Variants in C2CD3 observed in about 807,000 individuals in gnomAD.
C2CD3 encodes the protein C2 domain containing 3 centriole elongation regulator.
A neutral mutation model predicts 234.0 loss-of-function variants in C2CD3; 148 were observed. That is an observed-to-expected ratio of 0.63 (90% confidence interval 0.55 to 0.72). C2CD3 has a LOEUF of 0.72. C2CD3 is among the 30% of genes least tolerant of loss of function. The pLI, the probability that C2CD3 is intolerant of heterozygous loss-of-function variation, is 0.00. For synonymous variants in C2CD3, 1,000 were observed against 1,035.4 expected (o/e 0.97, Z 0.66); for missense variants, 2,577 against 2,811.5 (o/e 0.92, Z 1.89).
At chr11:74,082,753 CAAG>C (rs1277695061) in intron 22 of C2CD3, among the ~76,000 whole-genome samples, 1 of 152,056 alleles carries the variant, frequency 6.6e-6, no homozygotes, top group African/African-American at 2.4e-5. Flanking sequence ...AGGACCTCTT[CAAG>C]AAGAACTACA....
chr11:74,130,786 T>C (rs955845138), intron 7 of C2CD3, among the ~76,000 whole-genome samples: 1 of 152,152 alleles, frequency 6.6e-6, no homozygotes, highest in African/African-American at 2.4e-5. Context: ...TGAGTCCTAC[T>C]TTCTTTTTTT....
chr11:74,113,799 G>A lies in C2CD3; in HGVS notation c.1824C>T (p.Ser608=). 1 of 1,608,004 alleles carries A rather than the reference G, an allele frequency of 6.2e-7. No individual in the cohort carries two copies. Among genetic ancestry groups the A allele is most frequent in the Non-Finnish European group, 8.5e-7 (1 of 1,174,800 alleles). The change falls in exon 11 of 33, where the codon TCC becomes TCT. Residue 608 remains serine, a synonymous_variant. Transcript: ENST00000334126. ...ALITEVVRLA[S]SKITDGKVKF... ...TCTTACTTCCATCTGTAATTTTACT[G>A]GAGGCGAGTCGAACAACCTCAGTGA...
At chr11:74,040,572 T>C (rs552837514) in intron 29 of C2CD3, among the ~76,000 whole-genome samples, 11 of 152,050 alleles carry the variant, frequency 7.2e-5, no homozygotes, top group East Asian at 3.9e-4. Context: ...CTGGCCAACA[T>C]AGTGAAACCC....
intron 24 of C2CD3, among the ~76,000 whole-genome samples, chr11:74,063,409 A>ATGGATTCGGTTATC (rs201071364): frequency 0.012 from 1,794 of 152,350 alleles, 14 homozygotes; most frequent in Middle Eastern, 0.051. Context: ...ATCCAGCAGC[A>ATGGATTCGGTTATC]CATCAAAAAG....
chr11:74,142,399 C>T (rs1277461136), intron 3 of C2CD3: 2 of 152,150 alleles, frequency 1.3e-5, no homozygotes, highest in Non-Finnish European at 2.9e-5. Flanking sequence ...GGCTAAATTA[C>T]GTAGAAGTTT....
intron 8 of C2CD3, among the ~76,000 whole-genome samples, chr11:74,121,816 G>GT (rs1445092132): frequency 6.6e-6 from 1 of 152,088 alleles, no homozygotes; most frequent in East Asian, 1.9e-4. Flanking sequence ...AGGGAACACA[G>GT]TATCAGTGAT....
In C2CD3 at chr11:74,105,886, T is replaced by C. The variant is rs185749206; in HGVS notation, c.2085+485A>G. On this transcript the variant is annotated intron_variant, in intron 13 of 32. Transcript: ENST00000334126. ...ATGATGTCAGTCCCATGCTTCAACATTCTTTCCTTGGATCTTAGGCTAAAA... is the reference window on the plus strand; with the variant it reads ...ATGATGTCAGTCCCATGCTTCAACACTCTTTCCTTGGATCTTAGGCTAAAA... 3.9e-3 allele frequency among the ~76,000 whole-genome samples: 600 copies of C among 152,310 alleles called. 3 individuals carry two copies. The highest frequency in any genetic ancestry group is 0.034 in the Middle Eastern group (10 of 294).
chr11:74,093,753 G>T, intron 18 of C2CD3, 63 bp downstream of exon 18: 1 of 1,342,402 alleles, frequency 7.4e-7, no homozygotes, highest in Non-Finnish European at 1.0e-6. Flanking sequence ...CTGGTTAGGA[G>T]TAGGATGCTT....
At chr11:74,147,617 G>A (rs748884817) in intron 3 of C2CD3, among the ~76,000 whole-genome samples, 1 of 152,200 alleles carries the variant, frequency 6.6e-6, no homozygotes, top group Non-Finnish European at 1.5e-5. Context: ...CACTAGCACA[G>A]ACTGGTCAAA....
At chr11:74,047,629 G>A (rs567270760) in intron 28 of C2CD3, among the ~76,000 whole-genome samples, 36 of 152,352 alleles carry the variant, frequency 2.4e-4, no homozygotes, top group African/African-American at 8.7e-4. Flanking sequence ...AAGGGCTGCT[G>A]TAGGGCAAGA....
intron 24 of C2CD3, among the ~76,000 whole-genome samples, chr11:74,067,013 C>G (rs1381196280): frequency 1.3e-5 from 2 of 152,200 alleles, no homozygotes; most frequent in Non-Finnish European, 2.9e-5. Flanking sequence ...TTCCATAATA[C>G]AACCATATTT....
intron 7 of C2CD3, among the ~76,000 whole-genome samples, chr11:74,126,098 GATAA>G (rs1372601532): frequency 2.6e-5 from 4 of 152,120 alleles, no homozygotes; most frequent in African/African-American, 7.2e-5. Context: ...TGAGACTATG[GATAA>G]ATAAAGTTAT....
At chr11:74,036,209 C>T (rs1367054786) in intron 30 of C2CD3, 18 of 308,174 alleles carry the variant, frequency 5.8e-5, no homozygotes, top group South Asian at 2.6e-4. Flanking sequence ...GAAAGATTCC[C>T]CTATTTGTTT....
intron 32 of C2CD3, among the ~76,000 whole-genome samples, chr11:74,028,048 TC>T (rs905371349): frequency 2.0e-5 from 3 of 152,172 alleles, no homozygotes; most frequent in Non-Finnish European, 4.4e-5. Context: ...ACAGCTTTTT[TC>T]TTCCCCATGT....
chr11:74,159,047 C>T (rs1856250088), intron 3 of C2CD3, among the ~76,000 whole-genome samples: 1 of 152,036 alleles, frequency 6.6e-6, no homozygotes, highest in South Asian at 2.1e-4. Flanking sequence ...AATGACAGAC[C>T]ACATATACGA....
intron 15 of C2CD3, 119 bp from the exon 16 acceptor site, chr11:74,098,374 T>A: frequency 9.6e-7 from 1 of 1,042,330 alleles, no homozygotes; most frequent in Non-Finnish European, 1.4e-6. Flanking sequence ...GGAAAAGTAA[T>A]AGTGGTTTTA....
At chr11:74,109,710 T>C (rs1956671672) in intron 11 of C2CD3, among the ~76,000 whole-genome samples, 1 of 152,036 alleles carries the variant, frequency 6.6e-6, no homozygotes, top group Non-Finnish European at 1.5e-5. Context: ...TAACTATAAG[T>C]GTAAGTGGAT....
intron 3 of C2CD3, among the ~76,000 whole-genome samples, chr11:74,159,459 G>T (rs1263235775): frequency 6.6e-6 from 1 of 152,100 alleles, no homozygotes; most frequent in Non-Finnish European, 1.5e-5. Context: ...GGAGGTGGAA[G>T]ACAGTGATAG....
chr11:74,170,701 T>C, intron 1 of C2CD3, 37 bp downstream of exon 1: 1 of 1,613,602 alleles, frequency 6.2e-7, no homozygotes, highest in Non-Finnish European at 8.5e-7. Context: ...CCTGCTCTCC[T>C]ATTACGCTTT....
Sources: gnomAD v4.1 joint callset for allele counts (sites outside exome capture counted in the v4.1 genomes callset) on GRCh38, gnomAD v4.1.1 for gene constraint, MANE v1.5 for transcripts, NCBI Gene and HGNC (gene_info 2026-07-23, HGNC 2026-07-21) for gene names.